The following CHRM3 variants were observed in gnomAD, a reference collection of about 807,000 sequenced individuals.
CHRM3 encodes cholinergic receptor muscarinic 3, also known as muscarinic acetylcholine receptor M3.
A neutral mutation model predicts 41.8 loss-of-function variants in CHRM3; 11 were observed. The observed-to-expected ratio is 0.26, with a 90% CI of 0.17 to 0.44. CHRM3 has a LOEUF of 0.44. Ranked by LOEUF, CHRM3 falls within the 20% of genes least tolerant of loss-of-function variation. The pLI is 1.00. For synonymous variants in CHRM3, 297 were observed against 301.4 expected (o/e 0.99, Z 0.15); for missense variants, 571 against 745.4 (o/e 0.77, Z 2.72).
chr1:239,710,676 G>A (rs1334363994), intron 5 of CHRM3, among the ~76,000 whole-genome samples: 1 of 152,080 alleles, frequency 6.6e-6, no homozygotes, highest in African/African-American at 2.4e-5. Context: ...TATATTGAAT[G>A]CCAAGTTTAG....
chr1:239,804,331 T>C (rs1670452085), intron 5 of CHRM3, among the ~76,000 whole-genome samples: 1 of 95,424 alleles, frequency 1.0e-5, no homozygotes, highest in South Asian at 3.1e-4. Flanking sequence ...TCCTCAAAGG[T>C]CATTCATTGT....
intron 4 of CHRM3, among the ~76,000 whole-genome samples, chr1:239,637,644 A>C (rs1364178992): frequency 6.7e-6 from 1 of 149,238 alleles, no homozygotes; most frequent in Non-Finnish European, 1.5e-5. Context: ...AACCCCACAC[A>C]ACACCGTGGG....
At chr1:239,631,835 A>T (rs1669869549) in intron 3 of CHRM3, among the ~76,000 whole-genome samples, 1 of 152,206 alleles carries the variant, frequency 6.6e-6, no homozygotes, top group Admixed American at 6.5e-5. Flanking sequence ...AGACCATACT[A>T]GCCAATTTGC....
At chr1:239,661,779 C>T (rs1015852785) in intron 4 of CHRM3, among the ~76,000 whole-genome samples, 8 of 151,984 alleles carry the variant, frequency 5.3e-5, no homozygotes, top group Non-Finnish European at 7.4e-5. Context: ...ATGTACAACA[C>T]GGAGAGTGAA....
chr1:239,532,445 G>A (rs12023096), intron 2 of CHRM3, among the ~76,000 whole-genome samples: 73,887 of 150,146 alleles, frequency 0.49, 18,556 homozygotes, highest in Middle Eastern at 0.63. Flanking sequence ...GGCCAACGTG[G>A]TGAAACCCCC....
intron 1 of CHRM3, among the ~76,000 whole-genome samples, chr1:239,470,777 GT>G (rs1666062275): frequency 6.6e-6 from 1 of 152,094 alleles, no homozygotes; most frequent in Non-Finnish European, 1.5e-5. Context: ...GCATTGTTTT[GT>G]GTTTTTATTT....
At chr1:239,577,751 T>C (rs560994666) in intron 3 of CHRM3, among the ~76,000 whole-genome samples, 71 of 152,180 alleles carry the variant, frequency 4.7e-4, no homozygotes, top group Admixed American at 2.2e-3. Context: ...TTGTATTTCC[T>C]ATCAGATTTA....
At chr1:239,639,839 G>T (rs1670905535) in intron 4 of CHRM3, among the ~76,000 whole-genome samples, 1 of 145,768 alleles carries the variant, frequency 6.9e-6, no homozygotes. Context: ...CCTGTCTTGT[G>T]CCAGTTTTCA....
chr1:239,611,701 G>C (rs61836584), intron 3 of CHRM3, among the ~76,000 whole-genome samples: 4,600 of 152,196 alleles, frequency 0.03, 110 homozygotes, highest in Admixed American at 0.06. Flanking sequence ...TTACAGGCAT[G>C]AGCCACCGCA....
chr1:239,906,201 T>G (rs1679955230), intron 6 of CHRM3, among the ~76,000 whole-genome samples: 1 of 152,188 alleles, frequency 6.6e-6, no homozygotes, highest in Non-Finnish European at 1.5e-5. Context: ...GACTACTGCT[T>G]TGAGAGACAC....
At chr1:239,729,165 C>T (rs1663725598) in intron 5 of CHRM3, among the ~76,000 whole-genome samples, 2 of 151,950 alleles carry the variant, frequency 1.3e-5, no homozygotes, top group African/African-American at 2.4e-5. Context: ...TTCACTACCC[C>T]TTGCTCATCA....
At chr1:239,562,267 A>G (rs1179709869) in intron 3 of CHRM3, among the ~76,000 whole-genome samples, 1 of 152,172 alleles carries the variant, frequency 6.6e-6, no homozygotes, top group African/African-American at 2.4e-5. Flanking sequence ...CTGTGTTTAC[A>G]CTTCAGTATT....
chr1:239,630,533 A>G (rs1669698118), intron 3 of CHRM3, among the ~76,000 whole-genome samples: 1 of 152,162 alleles, frequency 6.6e-6, no homozygotes, highest in African/African-American at 2.4e-5. Context: ...AGCATGCCCT[A>G]AATGGTAGAA....
Position 239,856,278 on chromosome 1 carries a change from T to A in CHRM3, c.-20+28900T>A, listed in dbSNP as rs940379049. Reference sequence around the variant, plus strand: ...GTCCCCACCCAAATCTCATGTTGAATTGTGATCCTGAGTGTTGGAGGTGGG... The same window carrying A: ...GTCCCCACCCAAATCTCATGTTGAAATGTGATCCTGAGTGTTGGAGGTGGG... On this transcript the variant is annotated intron_variant, in intron 6 of 6. Transcript: ENST00000676153. Among the ~76,000 whole-genome samples, 16 of 152,282 alleles carry A rather than the reference T, an allele frequency of 1.1e-4. No individual in the cohort carries two copies. In the East Asian group the frequency reaches 1.5e-3, roughly 15 times the overall value.
In CHRM3 at chr1:239,417,740, A is replaced by C. The variant is rs191135199; in HGVS notation, c.-521+30513A>C. ...AGAAATTAACAAGAAATTAATTCTG[A>C]GTTACATAGGTTTCCCTCTTAACTA... On this transcript the variant is annotated intron_variant, in intron 1 of 6. Transcript: ENST00000676153. Among the ~76,000 whole-genome samples, 49 of 152,242 alleles carry C rather than the reference A, an allele frequency of 3.2e-4. 1 individual carries two copies. The Middle Eastern group carries it at 0.01, about 32-fold the overall frequency.
chr1:239,713,435 A>G (rs1662015025), intron 5 of CHRM3, among the ~76,000 whole-genome samples: 1 of 152,200 alleles, frequency 6.6e-6, no homozygotes, highest in African/African-American at 2.4e-5. Context: ...AGGAATTAAA[A>G]TAGGTATGTT....
intron 6 of CHRM3, among the ~76,000 whole-genome samples, chr1:239,828,060 G>T (rs1014875643): frequency 6.6e-6 from 1 of 152,112 alleles, no homozygotes; most frequent in Non-Finnish European, 1.5e-5. Flanking sequence ...CTAGATACAA[G>T]GGAGGCAATG....
intron 5 of CHRM3, among the ~76,000 whole-genome samples, chr1:239,815,956 G>A (rs1671544374): frequency 6.6e-6 from 1 of 152,082 alleles, no homozygotes; most frequent in Non-Finnish European, 1.5e-5. Context: ...GTATTTCTGG[G>A]TCAGTGTAGT....
chr1:239,657,587 C>T (rs1672827858), intron 4 of CHRM3, among the ~76,000 whole-genome samples: 1 of 152,220 alleles, frequency 6.6e-6, no homozygotes, highest in South Asian at 2.1e-4. Context: ...GCTACAAGAA[C>T]AGGCATTTGC....
Sources: gnomAD v4.1 joint callset for allele counts (sites outside exome capture counted in the v4.1 genomes callset) on GRCh38, gnomAD v4.1.1 for gene constraint, MANE v1.5 for transcripts, NCBI Gene and HGNC (gene_info 2026-07-23, HGNC 2026-07-21) for gene names.